MAP2: variants seen among roughly 807,000 people sequenced by gnomAD.
The protein encoded by MAP2 is microtubule associated protein 2, also known as microtubule-associated protein 2.
MAP2 carries 14 observed loss-of-function variants against 137.6 expected under a neutral mutation model. The observed-to-expected ratio is 0.10, with a 90% CI of 0.07 to 0.16. The LOEUF (loss-of-function observed/expected upper bound fraction) is 0.16, where lower values mean the gene tolerates loss of function less well. Ranked by LOEUF, MAP2 falls within the 10% of genes least tolerant of loss-of-function variation. The pLI is 1.00. For missense variants in MAP2, 2,088 were observed against 2,191.5 expected (o/e 0.95, Z 0.94); for synonymous variants, 786 against 782.3 (o/e 1.00, Z -0.08).
chr2:209,695,439 C>T lies in MAP2; in HGVS notation c.3269C>T (p.Ala1090Val). Residue 1090 changes from alanine to valine, a missense_variant, in exon 8 of 16, where the codon GCA (alanine) becomes GTA (valine). Ala to Val is a moderately conservative substitution (Grantham distance 64). Transcript: ENST00000682079. ...TCCAAAGCACCGCAGGAGGCAGATG[C>T]ATTTATGGGTGTTGAGTCTGGCCAC... is the stretch of plus-strand genomic sequence containing the variant. Reference protein sequence around the residue: ...PSSKAPQEADAFMGVESGHMK... With the variant: ...PSSKAPQEADVFMGVESGHMK... The T allele has an allele frequency of 1.2e-6, 2 of 1,613,680 alleles. No individual in the cohort carries two copies. The highest frequency in any genetic ancestry group is 2.7e-5 in the African/African-American group (2 of 75,014).
chr2:209,569,169 T>C (rs1233718911), intron 2 of MAP2, among the ~76,000 whole-genome samples: 1 of 151,746 alleles, frequency 6.6e-6, no homozygotes, highest in African/African-American at 2.4e-5. Flanking sequence ...AATCTAAAAT[T>C]TGTATATTCA....
intron 3 of MAP2, among the ~76,000 whole-genome samples, chr2:209,594,756 C>G (rs2080789035): frequency 6.6e-6 from 1 of 151,912 alleles, no homozygotes; most frequent in Non-Finnish European, 1.5e-5. Context: ...ATTGTTTTAC[C>G]TCTAGTATTT....
At chr2:209,492,718 A>G (rs1281850779) in intron 1 of MAP2, among the ~76,000 whole-genome samples, 1 of 152,204 alleles carries the variant, frequency 6.6e-6, no homozygotes, top group Non-Finnish European at 1.5e-5. Flanking sequence ...AATACCTAGG[A>G]ATAAAGCTTA....
At chr2:209,615,070 G>A (rs936263018) in intron 3 of MAP2, among the ~76,000 whole-genome samples, 2 of 151,998 alleles carry the variant, frequency 1.3e-5, no homozygotes, top group African/African-American at 2.4e-5. Context: ...AATTATCCAC[G>A]ATCAGGAATG....
In MAP2 at chr2:209,705,646, C is replaced by T. The variant is rs1488869447; in HGVS notation, c.4651C>T (p.Arg1551Trp). ...LPRPSSILPP[R>W]RGVSGDRDEN... The stretch of plus-strand genomic sequence containing the variant: ...AAGACCTTCCTCCATTCTCCCTCCT[C>T]GGCGAGGTGTGTCAGGAGACAGAGA... The change falls in exon 12 of 16, where the codon CGG (arginine) becomes TGG (tryptophan). Residue 1551 changes from arginine (R) to tryptophan (W), a missense_variant. By Grantham distance (101) the Arg-to-Trp change is moderately radical. This residue lies in a region of MAP2 where 591 missense variants were observed against 642.6 expected (regional missense o/e 0.92). Transcript: ENST00000682079. 6.8e-6 allele frequency: 11 copies of T among 1,613,288 alleles called. No homozygotes were observed. The East Asian group carries it at 1.6e-4, about 23-fold the overall frequency.
chr2:209,450,335 CAAG>C (rs1467397329), intron 1 of MAP2, among the ~76,000 whole-genome samples: 1 of 152,152 alleles, frequency 6.6e-6, no homozygotes, highest in East Asian at 1.9e-4. Context: ...GAGCAATGAA[CAAG>C]AAGAACCTTT....
chr2:209,691,568 A>G (rs533445999), intron 7 of MAP2, among the ~76,000 whole-genome samples: 29 of 152,168 alleles, frequency 1.9e-4, no homozygotes, highest in Non-Finnish European at 3.4e-4. Flanking sequence ...TTTTTCCCCA[A>G]ATCTTTTCCA....
chr2:209,522,536 T>C (rs2063430573), intron 2 of MAP2, among the ~76,000 whole-genome samples: 1 of 152,156 alleles, frequency 6.6e-6, no homozygotes, highest in South Asian at 2.1e-4. Flanking sequence ...TTGAAAGTGC[T>C]GTATAATCAA....
At chr2:209,443,634 A>C (rs1698361738) in intron 1 of MAP2, among the ~76,000 whole-genome samples, 1 of 151,494 alleles carries the variant, frequency 6.6e-6, no homozygotes, top group Non-Finnish European at 1.5e-5. Context: ...TAAAGACTCA[A>C]CCTCAGTTTC....
intron 5 of MAP2, 115 bp downstream of exon 5, chr2:209,653,547 T>C: frequency 9.4e-7 from 1 of 1,061,600 alleles, no homozygotes. Flanking sequence ...AGGACTGAAA[T>C]TCCAGTCAGT....
chr2:209,658,589 G>A (rs981454796), intron 5 of MAP2, among the ~76,000 whole-genome samples: 2 of 151,720 alleles, frequency 1.3e-5, no homozygotes, highest in Non-Finnish European at 2.9e-5. Flanking sequence ...TCATTGCAAT[G>A]TCTGCCTCCC....
chr2:209,650,170 G>C (rs888218489), intron 4 of MAP2, among the ~76,000 whole-genome samples: 1 of 152,114 alleles, frequency 6.6e-6, no homozygotes, highest in South Asian at 2.1e-4. Context: ...TGTTGTATTT[G>C]CTTTTAATAT....
intron 10 of MAP2, among the ~76,000 whole-genome samples, chr2:209,697,801 G>A (rs1416957990): frequency 1.3e-5 from 2 of 152,070 alleles, no homozygotes; most frequent in Non-Finnish European, 1.5e-5. Context: ...CCTTTTAGGA[G>A]GAACTTCAGT....
chr2:209,666,616 AG>A (rs1298015248), intron 5 of MAP2, among the ~76,000 whole-genome samples: 1 of 152,076 alleles, frequency 6.6e-6, no homozygotes, highest in African/African-American at 2.4e-5. Context: ...ATACTGCTCA[AG>A]GAATTGGCTA....
intron 2 of MAP2, among the ~76,000 whole-genome samples, chr2:209,559,563 A>C (rs2071516521): frequency 6.6e-6 from 1 of 151,622 alleles, no homozygotes; most frequent in Non-Finnish European, 1.5e-5. Flanking sequence ...AGGCAGAAGA[A>C]TCGCTTAAAC....
At chr2:209,503,176 T>C (rs758818598) in intron 1 of MAP2, among the ~76,000 whole-genome samples, 1 of 151,958 alleles carries the variant, frequency 6.6e-6, no homozygotes, top group Non-Finnish European at 1.5e-5. Flanking sequence ...ATTTTTTGTA[T>C]TCTTTGTAAA....
At chr2:209,505,104 A>C (rs1201136821) in intron 1 of MAP2, among the ~76,000 whole-genome samples, 1 of 151,926 alleles carries the variant, frequency 6.6e-6, no homozygotes, top group Non-Finnish European at 1.5e-5. Context: ...TTCTCTTTAA[A>C]TTTGTGGAGC....
intron 3 of MAP2, among the ~76,000 whole-genome samples, chr2:209,583,193 C>CTAT (rs1473156704): frequency 1.6e-5 from 2 of 123,842 alleles, no homozygotes; most frequent in African/African-American, 7.5e-5. Flanking sequence ...ATCTGTCTAT[C>CTAT]CTATCTATCT....
intron 13 of MAP2, among the ~76,000 whole-genome samples, chr2:209,715,977 G>A (rs1462423123): frequency 6.6e-6 from 1 of 152,044 alleles, no homozygotes; most frequent in Non-Finnish European, 1.5e-5. Flanking sequence ...TTTGTGCCCT[G>A]AATAGCTCTT....
Sources: gnomAD v4.1 joint callset for allele counts (sites outside exome capture counted in the v4.1 genomes callset) on GRCh38, gnomAD v4.1.1 for gene constraint, gnomAD v4.1.1 regional missense constraint, MANE v1.5 for transcripts, NCBI Gene and HGNC (gene_info 2026-07-23, HGNC 2026-07-21) for gene names.